SLC12A2: variants seen among roughly 807,000 people sequenced by gnomAD.
SLC12A2 encodes solute carrier family 12 member 2.
Under a neutral mutation model 136.3 loss-of-function variants are expected in SLC12A2, and 67 were observed. That is an observed-to-expected ratio of 0.49 (90% confidence interval 0.40 to 0.60). The LOEUF is 0.60. SLC12A2 is among the 20% of genes least tolerant of loss of function. SLC12A2 has a pLI of 0.00. For synonymous variants in SLC12A2, 619 were observed against 562.9 expected, an observed-to-expected ratio of 1.10 and a Z score of -1.41; for missense variants, 1,322 against 1,534.7, an observed-to-expected ratio of 0.86 and a Z score of 2.32.
chr5:128,123,867 G>A (rs1761680472), intron 4 of SLC12A2, among the ~76,000 whole-genome samples: 1 of 152,050 alleles, frequency 6.6e-6, no homozygotes, highest in Non-Finnish European at 1.5e-5. Context: ...CCCTAGCCTG[G>A]GGTCTCAAAG....
intron 22 of SLC12A2, among the ~76,000 whole-genome samples, 192 bp downstream of exon 22, chr5:128,178,881 T>G (rs1763615328): frequency 6.6e-6 from 1 of 152,228 alleles, no homozygotes; most frequent in African/African-American, 2.4e-5. Context: ...ATGCGGAGGT[T>G]GTTCAGTAGT....
chr5:128,099,678 T>A (rs1760675605), intron 1 of SLC12A2, among the ~76,000 whole-genome samples: 1 of 152,182 alleles, frequency 6.6e-6, no homozygotes, highest in Admixed American at 6.5e-5. Flanking sequence ...TTTTTCTATT[T>A]TTAAAAATTT....
chr5:128,149,967 C>T, intron 12 of SLC12A2, 30 bp from the exon 13 acceptor site: 1 of 1,406,200 alleles, frequency 7.1e-7, no homozygotes, highest in Non-Finnish European at 1.0e-6. Context: ...TCTAATACGT[C>T]AGTAAATCTC....
chr5:128,173,450 A>AT (rs1561703367), intron 19 of SLC12A2, among the ~76,000 whole-genome samples: 2 of 152,174 alleles, frequency 1.3e-5, no homozygotes, highest in African/African-American at 4.8e-5. Flanking sequence ...TTTAAAAAGT[A>AT]TTTTCATGTA....
At chr5:128,114,371 T>C (rs895106640) in intron 3 of SLC12A2, 84 bp downstream of exon 3, 19 of 1,061,750 alleles carry the variant, frequency 1.8e-5, no homozygotes, top group Non-Finnish European at 2.4e-5. Flanking sequence ...CTCAAGAAAT[T>C]AGAGTCATTT....
chr5:128,181,047 A>G (rs542682359), intron 23 of SLC12A2, 53 bp downstream of exon 23: 4 of 1,034,482 alleles, frequency 3.9e-6, no homozygotes, highest in Admixed American at 3.8e-5. Flanking sequence ...TCATTGCTAC[A>G]GTATAAATTT....
intron 18 of SLC12A2, chr5:128,168,446 C>T (rs1465130825): frequency 6.6e-6 from 1 of 152,258 alleles, no homozygotes; most frequent in Non-Finnish European, 1.5e-5. Flanking sequence ...CAGCAGTCCC[C>T]AACCTTTTTG....
chr5:128,161,555 C>A, intron 16 of SLC12A2, 105 bp from the exon 17 acceptor site: 1 of 585,304 alleles, frequency 1.7e-6, no homozygotes, highest in Non-Finnish European at 2.6e-6. Flanking sequence ...TCTGACCCTA[C>A]ATTTAGTCAC....
At chr5:128,160,452 G>T (rs1428781454) in intron 16 of SLC12A2, among the ~76,000 whole-genome samples, 1 of 151,978 alleles carries the variant, frequency 6.6e-6, no homozygotes, top group Non-Finnish European at 1.5e-5. Flanking sequence ...AAAAAATGGG[G>T]GTTGGAAGAA....
chr5:128,098,951 C>A (rs1420733855), intron 1 of SLC12A2, among the ~76,000 whole-genome samples: 2 of 152,040 alleles, frequency 1.3e-5, no homozygotes, highest in Non-Finnish European at 2.9e-5. Context: ...TTACTCTCAG[C>A]CATTTAAGCT....
At chr5:128,114,335 G>C (rs191057024) in intron 3 of SLC12A2, 48 bp downstream of exon 3, 5 of 1,397,474 alleles carry the variant, frequency 3.6e-6, no homozygotes, top group South Asian at 1.2e-5. Flanking sequence ...CAAAATAACT[G>C]TGTCTGAGCT....
chr5:128,154,056 TAAAAAAAAAAACA>T (rs1561691017), intron 15 of SLC12A2, among the ~76,000 whole-genome samples: 1 of 118,046 alleles, frequency 8.5e-6, no homozygotes, highest in African/African-American at 3.8e-5. Flanking sequence ...TGCCGTCAAT[TAAAAAAAAAAACA>T]AAAAAAAAAA....
At chr5:128,173,837 G>T (rs1763457244) in intron 19 of SLC12A2, among the ~76,000 whole-genome samples, 1 of 152,224 alleles carries the variant, frequency 6.6e-6, no homozygotes, top group East Asian at 1.9e-4. Context: ...ATACATGTTT[G>T]TATGGTGGAA....
At chr5:128,158,030 T>G (rs763607648) in intron 15 of SLC12A2, 23 bp from the exon 16 acceptor site, 3 of 1,577,182 alleles carry the variant, frequency 1.9e-6, no homozygotes, top group Non-Finnish European at 8.6e-7. Context: ...TCTAATTTTG[T>G]TTGTCTTTTC....
intron 21 of SLC12A2, 151 bp downstream of exon 21, chr5:128,177,303 TAG>T: frequency 1.9e-6 from 1 of 531,490 alleles, no homozygotes; most frequent in Non-Finnish European, 3.3e-6. Flanking sequence ...AAATTATTAT[TAG>T]TCTAACTAAA....
At chr5:128,174,426 A>C (rs1020010677) in intron 19 of SLC12A2, 115 bp from the exon 20 acceptor site, 10 of 699,002 alleles carry the variant, frequency 1.4e-5, no homozygotes, top group Non-Finnish European at 2.3e-5. Flanking sequence ...TTTAAATAAG[A>C]AGCCATTTAT....
chr5:128,100,694 A>G (rs530187499), intron 1 of SLC12A2, among the ~76,000 whole-genome samples: 3 of 152,262 alleles, frequency 2.0e-5, no homozygotes, highest in Non-Finnish European at 4.4e-5. Flanking sequence ...TGTTTTACCC[A>G]TTTATGATGC....
chr5:128,134,177 C>T lies in SLC12A2; in HGVS notation c.1201C>T (p.Leu401Phe), dbSNP rs906449093. 1.9e-6 allele frequency: 3 copies of T among 1,559,448 alleles called. No homozygotes were observed. In the African/African-American group the frequency reaches 4.1e-5, roughly 21 times the overall value. ...VVELLKEHSILMIDEINDIRI... is the reference protein window; with the variant it reads ...VVELLKEHSIFMIDEINDIRI... ...TTCCTTTTTCTAGGAACATTCCATA[C>T]TTATGATAGATGAAATCAATGATAT... Residue 401 changes from leucine to phenylalanine, a missense_variant, in exon 6 of 27, where the codon CTT becomes TTT. Transcript: ENST00000262461.
intron 18 of SLC12A2, chr5:128,169,630 C>T (rs995319246): frequency 4.6e-5 from 7 of 152,166 alleles, no homozygotes; most frequent in African/African-American, 1.7e-4. Context: ...TTGTGGCTTT[C>T]TAATTTTGTA....
Sources: gnomAD v4.1 joint callset for allele counts (sites outside exome capture counted in the v4.1 genomes callset) on GRCh38, gnomAD v4.1.1 for gene constraint, MANE v1.5 for transcripts, NCBI Gene and HGNC (gene_info 2026-07-23, HGNC 2026-07-21) for gene names.